The following RASA3 variants were observed in gnomAD, a reference collection of about 807,000 sequenced individuals.
RASA3 encodes RAS p21 protein activator 3.
A neutral mutation model predicts 110.0 loss-of-function variants in RASA3; 73 were observed. That is an observed-to-expected ratio of 0.66 (90% CI 0.55 to 0.81). RASA3 has a LOEUF of 0.81. Among genes scored for constraint, RASA3 ranks in the 30% least tolerant of loss-of-function variants. The probability of loss-of-function intolerance (pLI) is 0.00; values close to 1 mark genes in which losing one functional copy is unlikely to be tolerated. For synonymous variants in RASA3, 500 were observed against 451.4 expected (o/e 1.11, Z -1.37); for missense variants, 976 against 1,113.2 (o/e 0.88, Z 1.75).
intron 1 of RASA3, among the ~76,000 whole-genome samples, chr13:114,103,343 T>C (rs2080083493): frequency 6.6e-6 from 1 of 152,002 alleles, no homozygotes; most frequent in African/African-American, 2.4e-5. Flanking sequence ...TGGCATTCTC[T>C]CTGGGGTAGC....
intron 4 of RASA3, among the ~76,000 whole-genome samples, chr13:114,030,508 ACTCACACAGAGAGCAAGACTCACACAGAG>A: frequency 9.9e-6 from 1 of 100,970 alleles, no homozygotes; most frequent in African/African-American, 3.7e-5. Context: ...AGAGGGCAAG[ACTCACACAGAGAGCAAGACTCACACAGAG>A]GGCAAGACTC....
intron 14 of RASA3, among the ~76,000 whole-genome samples, chr13:114,013,884 GTCTCTCTCTTTT>G (rs1566478937): frequency 9.9e-6 from 1 of 101,418 alleles, no homozygotes; most frequent in African/African-American, 3.8e-5. Context: ...CCCTATCTCT[GTCTCTCTCTTTT>G]TCTCTCTTTC....
At chr13:113,991,450 G>A (rs1460749696) in intron 22 of RASA3, among the ~76,000 whole-genome samples, 1 of 152,202 alleles carries the variant, frequency 6.6e-6, no homozygotes, top group African/African-American at 2.4e-5. Flanking sequence ...TGGGACTCAA[G>A]GGCCCTGTCA....
Position 113,996,552 on chromosome 13 carries a change from G to A in RASA3, c.2120C>T (p.Pro707Leu), listed in dbSNP as rs1421181449. ...CTACCCAGTGCAGGGCGAGCAGCCC[G>A]GAGCCGAGTCGGATGGCGCCCTACA... Reference protein sequence around the residue: ...LCCRAPSDSAPGCSPCTGGLP... With the variant: ...LCCRAPSDSALGCSPCTGGLP... The change falls in exon 21 of 24, where the codon CCG (proline) becomes CTG (leucine). Residue 707 changes from proline (P) to leucine (L), a missense_variant. Physicochemically the swap from Pro to Leu is moderately conservative, Grantham distance 98. Coordinates refer to ENST00000334062, the MANE Select transcript of RASA3 (RefSeq NM_007368.4). 6.2e-7 allele frequency: 1 copy of A among 1,612,678 alleles called. No homozygotes were observed. The highest frequency in any genetic ancestry group is 8.5e-7 in the Non-Finnish European group (1 of 1,180,002).
At position 113,993,544 on chromosome 13, in the gene RASA3, C is replaced by T. The variant is rs1041992592; in HGVS notation, c.2142-956G>A. Among the ~76,000 whole-genome samples the T allele has an allele frequency of 6.6e-4, 101 of 151,994 alleles. 2 individuals are homozygous for T. The highest frequency in any genetic ancestry group is 1.1e-3 in the Admixed American group (17 of 15,288). On this transcript the variant is annotated intron_variant, in intron 21 of 23. Transcript: ENST00000334062. Reference sequence around the variant, plus strand: ...CTCCATAGCCGGGTGTGGTGGCTCACACCTGTAGTCCCCACACTTTTGGGA... The same window carrying T: ...CTCCATAGCCGGGTGTGGTGGCTCATACCTGTAGTCCCCACACTTTTGGGA...
chr13:114,078,484 T>A (rs898630926), intron 1 of RASA3, among the ~76,000 whole-genome samples: 1 of 152,242 alleles, frequency 6.6e-6, no homozygotes, highest in Non-Finnish European at 1.5e-5. Flanking sequence ...ACAGTTCTCA[T>A]GACCACTTTT....
chr13:114,089,498 C>T (rs1262275708), intron 1 of RASA3, among the ~76,000 whole-genome samples: 11 of 151,964 alleles, frequency 7.2e-5, no homozygotes, highest in South Asian at 6.2e-4. Flanking sequence ...CTGATCCAGC[C>T]GCAGAACTAA....
intron 1 of RASA3, among the ~76,000 whole-genome samples, chr13:114,076,552 A>G (rs946680768): frequency 6.6e-6 from 1 of 151,852 alleles, no homozygotes; most frequent in African/African-American, 2.4e-5. Flanking sequence ...CACCGCACAC[A>G]CACGCAGCAC....
chr13:114,017,999 G>T, intron 11 of RASA3, 105 bp downstream of exon 11: 1 of 1,265,518 alleles, frequency 7.9e-7, no homozygotes, highest in Non-Finnish European at 1.0e-6. Flanking sequence ...GGGGACCCTT[G>T]AATTCCCTCA....
chr13:114,037,209 T>G (rs951650444), intron 4 of RASA3, among the ~76,000 whole-genome samples: 2 of 152,188 alleles, frequency 1.3e-5, no homozygotes, highest in Non-Finnish European at 2.9e-5. Flanking sequence ...ATGCAACGTC[T>G]GAGTCCTGAT....
intron 14 of RASA3, among the ~76,000 whole-genome samples, chr13:114,013,553 C>A (rs1481533729): frequency 1.5e-5 from 2 of 133,574 alleles, no homozygotes; most frequent in Non-Finnish European, 3.2e-5. Flanking sequence ...TCTCTTTGTC[C>A]CTCTGTCTCT....
intron 13 of RASA3, among the ~76,000 whole-genome samples, chr13:114,015,972 C>T (rs2053781893): frequency 6.6e-6 from 1 of 152,082 alleles, no homozygotes; most frequent in Non-Finnish European, 1.5e-5. Flanking sequence ...GCCGGGACCC[C>T]CCAGGGGACG....
rs781649004 is a variant in RASA3 at position 114,018,850 on chromosome 13, C to T, written c.855G>A (p.Leu285=). Residue 285 remains leucine (L), a synonymous_variant, in exon 10 of 24, where the codon CTG becomes CTA. Transcript: ENST00000334062. Reference sequence around the variant, plus strand: ...CGTGGTCTTCCGTGTATACCACGTTCAGCCGCAGGGAGCCCAGGTCGTCTG... The same window carrying T: ...CGTGGTCTTCCGTGTATACCACGTTTAGCCGCAGGGAGCCCAGGTCGTCTG... ...LKPDDLGSLR[L]NVVYTEDHVF... 18 of 1,613,952 alleles carry T rather than the reference C, an allele frequency of 1.1e-5. No homozygotes were observed. Among genetic ancestry groups the T allele is most frequent in the Non-Finnish European group, 1.4e-5 (17 of 1,179,998 alleles).
At chr13:114,116,526 C>A (rs192050893) in intron 1 of RASA3, among the ~76,000 whole-genome samples, 2 of 115,372 alleles carry the variant, frequency 1.7e-5, no homozygotes, top group African/African-American at 2.8e-5. Flanking sequence ...GGCACACGAA[C>A]CCTTAGAAGA....
chr13:114,013,958 CTCTCTCTCTCTCCGTCTCGA>C (rs1312111995), intron 14 of RASA3, among the ~76,000 whole-genome samples: 1 of 150,282 alleles, frequency 6.7e-6, no homozygotes. Flanking sequence ...CTCTGTCTCT[CTCTCTCTCTCTCCGTCTCGA>C]TCTCTCTCTC....
chr13:114,067,207 C>T (rs991930024), intron 2 of RASA3, among the ~76,000 whole-genome samples: 2 of 144,830 alleles, frequency 1.4e-5, no homozygotes, highest in Non-Finnish European at 3.0e-5. Context: ...ACGGGCCCCC[C>T]ACCTGGGGCA....
In RASA3 at chr13:114,015,127, G is replaced by C. The variant is rs537257816; in HGVS notation, c.1405+82C>G. On this transcript the variant is annotated intron_variant, in intron 14 of 23. Coordinates refer to ENST00000334062, the MANE Select transcript of RASA3 (RefSeq NM_007368.4). ...GCAGTTCTAGTCTAGCCAGGGCTGC[G>C]GGGGGTTCTGCCTGGGTGGGAGTCA... 3.9e-6 allele frequency: 6 copies of C among 1,556,346 alleles called. No homozygotes were observed. In the African/African-American group the frequency reaches 4.1e-5, roughly 11 times the overall value.
At chr13:114,060,145 G>A (rs534742449) in intron 2 of RASA3, among the ~76,000 whole-genome samples, 5 of 152,366 alleles carry the variant, frequency 3.3e-5, no homozygotes, top group African/African-American at 1.2e-4. Flanking sequence ...AGGCAGCAGG[G>A]CTTGTGTGTG....
Position 114,048,327 on chromosome 13 carries a change from A to AG in RASA3, c.277+3724_277+3725insC, listed in dbSNP as rs1322884476. 6.6e-6 allele frequency among the ~76,000 whole-genome samples: 1 copy of AG among 151,512 alleles called. No homozygotes were observed. The highest frequency in any genetic ancestry group is 6.6e-5 in the Admixed American group (1 of 15,250). ...GAGACTCCGTCTCAAAAAAAAAAAA[A>AG]AAGAAGAAGAAAAGAATGGAGGTCT... is the stretch of plus-strand genomic sequence containing the variant. On this transcript the variant is annotated intron_variant, in intron 3 of 23. Transcript: ENST00000334062. The surrounding 1 kb of genome is among the most constrained non-coding windows in gnomAD (Gnocchi z 4.3).
Sources: allele counts gnomAD v4.1 joint callset (sites outside exome capture counted in the v4.1 genomes callset), GRCh38; gene constraint gnomAD v4.1.1; non-coding constraint Gnocchi (gnomAD v3.1); transcripts MANE v1.5; gene names NCBI Gene and HGNC (gene_info 2026-07-23, HGNC 2026-07-21).